Variants in LMO2 observed in about 807,000 individuals in gnomAD.
The protein encoded by LMO2 is rhombotin-2.
Under a neutral mutation model 23.2 loss-of-function variants are expected in LMO2, and 20 were observed. That is an observed-to-expected ratio of 0.86 (90% CI 0.61 to 1.25). The LOEUF (loss-of-function observed/expected upper bound fraction) is 1.25, where lower values mean the gene tolerates loss of function less well. Ranked by LOEUF, LMO2 falls within the 50% of genes most tolerant of loss-of-function variation. LMO2 has a pLI of 0.00. For synonymous variants in LMO2, 123 were observed against 130.2 expected, an observed-to-expected ratio of 0.94 and a Z score of 0.38; for missense variants, 270 against 315.3, an observed-to-expected ratio of 0.86 and a Z score of 1.09.
intron 2 of LMO2, among the ~76,000 whole-genome samples, chr11:33,878,546 AGT>A (rs568359577): frequency 3.9e-4 from 60 of 152,252 alleles, no homozygotes; most frequent in Non-Finnish European, 7.8e-4. Context: ...TAATGTATGC[AGT>A]GGGCAGAGCA....
At chr11:33,891,393 A>ACACG (rs1857548106) in intron 1 of LMO2, among the ~76,000 whole-genome samples, 1 of 149,798 alleles carries the variant, frequency 6.7e-6, no homozygotes, top group Non-Finnish European at 1.5e-5. Flanking sequence ...ACACACATGC[A>ACACG]CACACACTCA....
chr11:33,868,176 A>G (rs1230964778), intron 4 of LMO2, among the ~76,000 whole-genome samples: 1 of 152,188 alleles, frequency 6.6e-6, no homozygotes, highest in African/African-American at 2.4e-5. Context: ...TTTTATGAGA[A>G]TATGTTGAGC....
chr11:33,884,021 A>G lies in LMO2; in HGVS notation c.-335-2134T>C, dbSNP rs538229562. Among the ~76,000 whole-genome samples, 8 of 152,304 alleles carry G rather than the reference A, an allele frequency of 5.3e-5. No homozygotes were observed. In the South Asian group the frequency reaches 1.7e-3, roughly 32 times the overall value. ...TTGGACCATAACAATATTCCAGTGAAAGGAACCAGATCTGCTGTTCTCTCC... is the reference window on the plus strand; with the variant it reads ...TTGGACCATAACAATATTCCAGTGAGAGGAACCAGATCTGCTGTTCTCTCC... On this transcript the variant is annotated intron_variant, in intron 1 of 5. Coordinates refer to ENST00000257818, the MANE Select transcript of LMO2 (RefSeq NM_005574.4).
chr11:33,865,017 C>T lies in LMO2; in HGVS notation c.249-200G>A, dbSNP rs1211864570. The T allele has an allele frequency of 3.0e-5, 19 of 629,718 alleles. No individual in the cohort carries two copies. In the Admixed American group the frequency reaches 4.4e-4, roughly 15 times the overall value. 39.0% of individuals were successfully genotyped at this position (629,718 alleles called of 1,614,324 possible). Reference sequence around the variant, plus strand: ...GGGTTAAGACGGGAAAGAGCCAGACCTTACTCCCTAGATGTCTAAGAAGTA... The same window carrying T: ...GGGTTAAGACGGGAAAGAGCCAGACTTTACTCCCTAGATGTCTAAGAAGTA... On this transcript the variant is annotated intron_variant, in intron 4 of 5. Coordinates refer to ENST00000257818, the MANE Select transcript of LMO2 (RefSeq NM_005574.4).
At chr11:33,888,297 A>C (rs1857462037) in intron 1 of LMO2, among the ~76,000 whole-genome samples, 2 of 152,084 alleles carry the variant, frequency 1.3e-5, no homozygotes. Context: ...CAGGGGCCAT[A>C]CTCTGTGCCA....
chr11:33,875,539 T>C (rs1018116005), intron 2 of LMO2, among the ~76,000 whole-genome samples: 10 of 145,978 alleles, frequency 6.9e-5, no homozygotes, highest in Non-Finnish European at 1.3e-4. Context: ...GACCGTGCCG[T>C]TGCACTCAAG....
intron 2 of LMO2, chr11:33,881,415 C>G (rs1427140545): frequency 4.4e-6 from 2 of 456,582 alleles, no homozygotes; most frequent in Non-Finnish European, 8.8e-6. Flanking sequence ...GCTAGCCTCT[C>G]TATCACTCCA....
chr11:33,891,927 C>G lies in LMO2; in HGVS notation c.-468G>C, dbSNP rs1857565503. 2 of 152,322 alleles carry G rather than the reference C, an allele frequency of 1.3e-5. No individual in the cohort carries two copies. Among genetic ancestry groups the G allele is most frequent in the Admixed American group, 1.3e-4 (2 of 15,286 alleles). The allele number at this position is 152,322 out of a possible 1,614,324, so 9.4% of individuals were successfully genotyped here. A position where few individuals can be genotyped will look rare whatever the true frequency, so the allele number is the denominator to read the frequency against. On this transcript the variant is annotated 5_prime_UTR_variant, in exon 1 of 6. Coordinates refer to ENST00000257818, the MANE Select transcript of LMO2 (RefSeq NM_005574.4). ...GCCCTGGCACCCTAGCACCTGGTGC[C>G]TGTGCCATCTCCCCTCTCTGCCAGG...
chr11:33,883,480 C>T (rs574584927), intron 1 of LMO2, among the ~76,000 whole-genome samples: 2 of 152,300 alleles, frequency 1.3e-5, no homozygotes, highest in African/African-American at 2.4e-5. Context: ...TTTCCAAGAC[C>T]TTTATCTCTT....
chr11:33,869,522 C>T lies in LMO2; in HGVS notation c.72G>A (p.Arg24=). 1 of 1,236,978 alleles carries T rather than the reference C, an allele frequency of 8.1e-7. No homozygotes were observed. Among genetic ancestry groups the T allele is most frequent in the Non-Finnish European group, 1.0e-6 (1 of 981,664 alleles). The allele number at this position is 1,236,978 out of a possible 1,614,324, so 76.6% of individuals were successfully genotyped here. The change falls in exon 4 of 6, where the codon CGG becomes CGA. Residue 24 remains arginine, a synonymous_variant. Transcript: ENST00000257818. ...ASSPAERRSK[R]RRRSGGDGGG... ...CGCCGTCGCCGCCGCTCCTGCGCCT[C>T]CGCTTGCTCCGGCGCTCCGCCGGCG...
At position 33,873,542 on chromosome 11, in the gene LMO2, C is replaced by G. The variant is rs1857072506; in HGVS notation, c.-271-3555G>C. Among the ~76,000 whole-genome samples, 2 of 152,166 alleles carry G rather than the reference C, an allele frequency of 1.3e-5. 1 individual carries two copies. The highest frequency in any genetic ancestry group is 3.9e-4 in the East Asian group (2 of 5,194). ...TTGTATCCTCCCTTAACAACTAGTA[C>G]ATGCCTTATGCAGAAGAGAGACTCA... On this transcript the variant is annotated intron_variant, in intron 2 of 5. Transcript: ENST00000257818.
chr11:33,866,586 T>C (rs1024680498), intron 4 of LMO2, among the ~76,000 whole-genome samples: 1 of 152,218 alleles, frequency 6.6e-6, no homozygotes, highest in Non-Finnish European at 1.5e-5. Flanking sequence ...CAGTGAGCAC[T>C]GCACTCTAGA....
At chr11:33,886,934 A>G (rs955940103) in intron 1 of LMO2, among the ~76,000 whole-genome samples, 3 of 152,134 alleles carry the variant, frequency 2.0e-5, no homozygotes, top group African/African-American at 7.2e-5. Context: ...GTTGTCAGGG[A>G]CTTCGCTCTT....
chr11:33,879,275 C>T lies in LMO2; in HGVS notation c.-272+2549G>A, dbSNP rs114679398. Among the ~76,000 whole-genome samples the T allele has an allele frequency of 9.2e-3, 1,399 of 152,142 alleles. 23 individuals carry two copies. The highest frequency in any genetic ancestry group is 0.032 in the African/African-American group (1,326 of 41,476). On this transcript the variant is annotated intron_variant, in intron 2 of 5. Transcript: ENST00000257818. ...ATCAACAGAGTGAAAGGGCAACCCA[C>T]AGAATGGAATAATATATTTACAAAT...
chr11:33,870,438 C>T (rs979238602), intron 2 of LMO2: 7 of 985,964 alleles, frequency 7.1e-6, no homozygotes, highest in Admixed American at 6.1e-5. Flanking sequence ...CCGGACAGCG[C>T]GGCTCTGCGG....
At chr11:33,875,884 A>T (rs1300415924) in intron 2 of LMO2, among the ~76,000 whole-genome samples, 10 of 152,086 alleles carry the variant, frequency 6.6e-5, no homozygotes, top group Admixed American at 6.5e-4. Flanking sequence ...AGTGCCTGGG[A>T]CCCCGGCACA....
At position 33,859,557 on chromosome 11, in the gene LMO2, A is replaced by C; in HGVS notation, c.483T>G (p.Gly161=). The stretch of plus-strand genomic sequence containing the variant: ...TCCGCTTGTCACAGGATGCGCAGAG[A>C]CCGTCTTGCCCAAAAAGCCTGGGGC... ...RDYLRLFGQD[G]LCASCDKRIR... is the part of the protein sequence containing the mutation. The change falls in exon 6 of 6, where the codon GGT becomes GGG. Residue 161 remains glycine (G), a synonymous_variant. Coordinates refer to ENST00000257818, the MANE Select transcript of LMO2 (RefSeq NM_005574.4). The C allele has an allele frequency of 6.2e-7, 1 of 1,614,024 alleles. No individual in the cohort carries two copies. The highest frequency in any genetic ancestry group is 8.5e-7 in the Non-Finnish European group (1 of 1,180,016).
intron 1 of LMO2, among the ~76,000 whole-genome samples, chr11:33,888,502 G>C (rs866692114): frequency 1.3e-5 from 2 of 151,998 alleles, no homozygotes. Flanking sequence ...ATCCACACAG[G>C]ACCCCTTGTC....
At position 33,887,353 on chromosome 11, in the gene LMO2, ACCGT is replaced by A. The variant is rs149296085; in HGVS notation, c.-336+4438_-336+4441del. On this transcript the variant is annotated intron_variant, in intron 1 of 5. Coordinates refer to ENST00000257818, the MANE Select transcript of LMO2 (RefSeq NM_005574.4). ...GGGGAACCTGAGGGAAGGACTCATT[ACCGT>A]CAATTTTCCATCATGAGTGTGGTCA... is the stretch of plus-strand genomic sequence containing the variant. 8.1e-3 allele frequency among the ~76,000 whole-genome samples: 1,234 copies of A among 152,312 alleles called. 20 individuals are homozygous for A. Among genetic ancestry groups the A allele is most frequent in the African/African-American group, 0.028 (1,175 of 41,570 alleles).
Sources: allele counts gnomAD v4.1 joint callset (sites outside exome capture counted in the v4.1 genomes callset), GRCh38; gene constraint gnomAD v4.1.1; transcripts MANE v1.5; gene names NCBI Gene and HGNC (gene_info 2026-07-23, HGNC 2026-07-21).